Variants in HDAC7 observed in about 807,000 individuals in gnomAD.
HDAC7 encodes histone deacetylase 7.
In HDAC7, 26 loss-of-function variants were observed where a neutral mutation model predicts 115.5. That is an observed-to-expected ratio of 0.23 (90% confidence interval 0.16 to 0.31). The LOEUF (loss-of-function observed/expected upper bound fraction) is 0.31. Ranked by LOEUF, HDAC7 falls within the 10% of genes least tolerant of loss-of-function variation. HDAC7 has a pLI of 1.00. For synonymous variants in HDAC7, 564 were observed against 550.9 expected, an observed-to-expected ratio of 1.02 and a Z score of -0.33; for missense variants, 1,068 against 1,329.0, an observed-to-expected ratio of 0.80 and a Z score of 3.05.
intron 1 of HDAC7, among the ~76,000 whole-genome samples, chr12:47,816,783 T>A (rs1191188855): frequency 6.6e-6 from 1 of 152,076 alleles, no homozygotes; most frequent in Non-Finnish European, 1.5e-5. Flanking sequence ...GCAGTGGGGA[T>A]GGGTTGGGAG....
At chr12:47,820,151 C>T (rs1378149571), upstream of HDAC7, among the ~76,000 whole-genome samples, 1 of 151,134 alleles carries the variant, frequency 6.6e-6, no homozygotes, top group African/African-American at 2.4e-5. This position sits in a 1 kb window ranked among gnomAD's most constrained non-coding sequence, Gnocchi z 4.3. Context: ...CAGCGCCGAA[C>T]CCGGAACGCC....
chr12:47,790,075 C>T, intron 16 of HDAC7, 155 bp from the exon 17 acceptor site: 1 of 618,626 alleles, frequency 1.6e-6, no homozygotes, highest in Non-Finnish European at 2.9e-6. Flanking sequence ...AAAGGCAAGG[C>T]CTCCTGTGTC....
intron 13 of HDAC7, chr12:47,792,481 C>A: frequency 2.7e-6 from 1 of 364,530 alleles, no homozygotes; most frequent in Non-Finnish European, 5.5e-6. Flanking sequence ...CCCACGATGA[C>A]ACTGGACCAT....
In HDAC7 at chr12:47,795,531, G is replaced by T; in HGVS notation, c.1087+56C>A. 1 of 1,520,532 alleles carries T rather than the reference G, an allele frequency of 6.6e-7. No homozygotes were observed. Among genetic ancestry groups the T allele is most frequent in the Non-Finnish European group, 8.9e-7 (1 of 1,124,164 alleles). 94.2% of individuals were successfully genotyped at this position (1,520,532 alleles called of 1,614,324 possible). The stretch of plus-strand genomic sequence containing the variant: ...GGAAGGATGGGTCCATCCCAAGCTT[G>T]GCTCTTAGCAGGGTGCAGGGACCCA... On this transcript the variant is annotated intron_variant, in intron 10 of 25. Transcript: ENST00000080059. The surrounding 1 kb of genome is among the most constrained non-coding windows in gnomAD (Gnocchi z 4.3).
In HDAC7 at chr12:47,791,879, G is replaced by A. The variant is rs769854011; in HGVS notation, c.1804C>T (p.Gln602Ter). 1 of 1,503,974 alleles carries A rather than the reference G, an allele frequency of 6.6e-7. No individual in the cohort carries two copies. The highest frequency in any genetic ancestry group is 1.8e-5 in the Admixed American group (1 of 55,348). 93.2% of individuals were successfully genotyped at this position (1,503,974 alleles called of 1,614,324 possible). A position where few individuals can be genotyped will look rare whatever the true frequency, so the allele number is the denominator to read the frequency against. ...SRLQERGLRS[Q>*]CECLRGRKAS... ...CACCCGCGCCTCCTCACCTCACACT[G>A]GCTCCGGAGCCCCCGCTCCTGCAGC... Residue 602 changes from glutamine (Q) to a stop codon, truncating the protein, a stop_gained, in exon 14 of 26, where the codon CAG becomes TAG. Transcript: ENST00000080059. LOFTEE classifies it high-confidence loss of function.
rs1207433537 is a variant in HDAC7 at position 47,803,945 on chromosome 12, C to T, written c.20-1671G>A. The stretch of plus-strand genomic sequence containing the variant: ...CAGGGTGCACTCCCAGAGACTGTGT[C>T]AGGCTGAGTCCCCTGCCTCCTGGGA... On this transcript the variant is annotated intron_variant, in intron 1 of 25. Transcript: ENST00000080059. The surrounding 1 kb of genome is among the most constrained non-coding windows in gnomAD (Gnocchi z 4.0). 6.6e-6 allele frequency among the ~76,000 whole-genome samples: 1 copy of T among 152,170 alleles called. No individual in the cohort carries two copies. Among genetic ancestry groups the T allele is most frequent in the Non-Finnish European group, 1.5e-5 (1 of 68,030 alleles).
rs1475814518 is a variant in HDAC7 at position 47,794,747 on chromosome 12, G to T, written c.1458+13C>A. On this transcript the variant is annotated intron_variant, in intron 12 of 25. Coordinates refer to ENST00000080059, the MANE Select transcript of HDAC7 (RefSeq NM_015401.5). ...GAGGACACTTTCTGAGGGGCAGGTG[G>T]GGACTGCCATACCTGAGGGTGCTGC... 2.8e-5 allele frequency: 44 copies of T among 1,561,988 alleles called. No homozygotes were observed. The highest frequency in any genetic ancestry group is 3.7e-5 in the Non-Finnish European group (43 of 1,157,262).
At chr12:47,799,089 T>G (rs1944035966) in intron 2 of HDAC7, 117 bp from the exon 3 acceptor site, 1 of 674,802 alleles carries the variant, frequency 1.5e-6, no homozygotes, top group Non-Finnish European at 2.4e-6. Context: ...AACACTCTCA[T>G]GGGGGTTTTT....
At position 47,787,748 on chromosome 12, in the gene HDAC7, G is replaced by A; in HGVS notation, c.2417C>T (p.Pro806Leu). The part of the protein sequence containing the change: ...VNVAWAGGLD[P>L]PMGDPEYLAA... ...CAGGTACTCAGGATCCCCCATGGGG[G>A]GGTCCAGACCTCCAGCCCAGGCCAC... is the stretch of plus-strand genomic sequence containing the variant. Residue 806 changes from proline (P) to leucine (L), a missense_variant, in exon 21 of 26, where the codon CCC becomes CTC. By Grantham distance (98) the Pro-to-Leu change is moderately conservative (BLOSUM62 -3). This residue lies in a region of HDAC7 where 182 missense variants were observed against 301.1 expected (regional missense o/e 0.60). Coordinates refer to ENST00000080059, the MANE Select transcript of HDAC7 (RefSeq NM_015401.5). 1 of 1,612,522 alleles carries A rather than the reference G, an allele frequency of 6.2e-7. No individual in the cohort carries two copies. Among genetic ancestry groups the A allele is most frequent in the Non-Finnish European group, 8.5e-7 (1 of 1,179,530 alleles).
chr12:47,782,750 C>T lies in HDAC7; in HGVS notation c.*1091G>A, dbSNP rs1262954258. ...TAAAGCAAATAAAACATTTATTGTT[C>T]AGATTTTTTTCCATTTTCTTCCTTT... On this transcript the variant is annotated 3_prime_UTR_variant, in exon 26 of 26. Coordinates refer to ENST00000080059, the MANE Select transcript of HDAC7 (RefSeq NM_015401.5). 3 of 152,440 alleles carry T rather than the reference C, an allele frequency of 2.0e-5. No individual in the cohort carries two copies. Among genetic ancestry groups the T allele is most frequent in the African/African-American group, 7.2e-5 (3 of 41,440 alleles). 9.4% of individuals were successfully genotyped at this position (152,440 alleles called of 1,614,324 possible).
chr12:47,820,115 C>G (rs1944982446), upstream of HDAC7: 1 of 151,056 alleles, frequency 6.6e-6, no homozygotes, highest in Non-Finnish European at 1.5e-5. This position sits in a 1 kb window ranked among gnomAD's most constrained non-coding sequence, Gnocchi z 4.3. Flanking sequence ...CAGATCGCGG[C>G]GGGGCGCGGC....
intron 1 of HDAC7, among the ~76,000 whole-genome samples, chr12:47,819,543 C>T (rs963036714): frequency 6.6e-6 from 1 of 151,828 alleles, no homozygotes; most frequent in Non-Finnish European, 1.5e-5. Flanking sequence ...CCCGAGCCCT[C>T]CGGCCCCCGG....
At chr12:47,802,466 T>C in intron 1 of HDAC7, 192 bp from the exon 2 acceptor site, 1 of 1,551,198 alleles carries the variant, frequency 6.4e-7, no homozygotes, top group Non-Finnish European at 8.7e-7. Context: ...CCCCTGCTGG[T>C]GAAAAGGGCT....
At chr12:47,786,123 G>A in intron 22 of HDAC7, 1 of 508,962 alleles carries the variant, frequency 2.0e-6, no homozygotes, top group Non-Finnish European at 3.5e-6. Flanking sequence ...GTGGCAGCAA[G>A]GTAGGACCTG....
At position 47,798,883 on chromosome 12, in the gene HDAC7, G is replaced by A. The variant is rs537055029; in HGVS notation, c.160C>T (p.Pro54Ser). The change falls in exon 3 of 26, where the codon CCA becomes TCA. Residue 54 changes from proline (P) to serine (S), a missense_variant. Coordinates refer to ENST00000080059, the MANE Select transcript of HDAC7 (RefSeq NM_015401.5). This position sits in a 1 kb window ranked among gnomAD's most constrained non-coding sequence, Gnocchi z 4.3. The part of the protein sequence containing the change: ...VGQRPPVEPP[P>S]EPTLLALQRP... ...TGCAGGGCCAGCAATGTGGGCTCTG[G>A]TGGGGGCTCCACTGGGGGCCGCTGG... The A allele has an allele frequency of 1.3e-6, 2 of 1,546,824 alleles. No homozygotes were observed. Among genetic ancestry groups the A allele is most frequent in the Admixed American group, 2.2e-5 (1 of 46,142 alleles).
In HDAC7 at chr12:47,803,149, A is replaced by C. The variant is rs943181956; in HGVS notation, c.20-875T>G. ...GGCCAGCTGGGGTTGGAGAAGACAG[A>C]GATGAGTCCTGAGGCCACCTGTCCA... On this transcript the variant is annotated intron_variant, in intron 1 of 25. Coordinates refer to ENST00000080059, the MANE Select transcript of HDAC7 (RefSeq NM_015401.5). This position sits in a 1 kb window ranked among gnomAD's most constrained non-coding sequence, Gnocchi z 4.0. Among the ~76,000 whole-genome samples the C allele has an allele frequency of 6.6e-6, 1 of 152,128 alleles. No individual in the cohort carries two copies. Among genetic ancestry groups the C allele is most frequent in the African/African-American group, 2.4e-5 (1 of 41,424 alleles).
chr12:47,802,594 G>A (rs1251691823), intron 1 of HDAC7: 2 of 936,716 alleles, frequency 2.1e-6, no homozygotes, highest in Admixed American at 5.0e-5. Flanking sequence ...CCTGTGGTCA[G>A]ATACAATCTT....
chr12:47,796,923 A>G, intron 7 of HDAC7, 94 bp downstream of exon 7: 1 of 1,413,462 alleles, frequency 7.1e-7, no homozygotes, highest in Non-Finnish European at 9.3e-7. Context: ...GGCAGTCCTA[A>G]GGAGGGGACC....
intron 1 of HDAC7, among the ~76,000 whole-genome samples, chr12:47,811,285 T>C (rs750128019): frequency 7.9e-5 from 12 of 152,114 alleles, no homozygotes; most frequent in Non-Finnish European, 1.8e-4. Flanking sequence ...CCCTTGAGAC[T>C]TGGTTGAAGG....
Sources: gnomAD v4.1 joint callset for allele counts (sites outside exome capture counted in the v4.1 genomes callset) on GRCh38, gnomAD v4.1.1 for gene constraint, gnomAD v4.1.1 regional missense constraint, Gnocchi (gnomAD v3.1) non-coding constraint, MANE v1.5 for transcripts, NCBI Gene and HGNC (gene_info 2026-07-23, HGNC 2026-07-21) for gene names.